AFAP1: variants seen among roughly 807,000 people sequenced by gnomAD.
AFAP1 encodes the protein actin filament-associated protein 1.
Under a neutral mutation model 93.9 loss-of-function variants are expected in AFAP1, and 75 were observed. The observed-to-expected ratio is 0.80, with a 90% CI of 0.66 to 0.97. AFAP1 has a LOEUF of 0.97. Ranked by LOEUF, AFAP1 falls within the 50% of genes least tolerant of loss-of-function variation. The probability of loss-of-function intolerance (pLI) is 0.00; values close to 1 mark genes in which losing one functional copy is unlikely to be tolerated. For synonymous variants in AFAP1, 517 were observed against 430.7 expected (o/e 1.20, Z -2.48); for missense variants, 1,201 against 1,050.8 (o/e 1.14, Z -1.98).
chr4:7,906,408 A>C (rs190641648), intron 1 of AFAP1, among the ~76,000 whole-genome samples: 22 of 152,362 alleles, frequency 1.4e-4, no homozygotes, highest in African/African-American at 5.0e-4. Context: ...TCTTATCATT[A>C]ATAACAGCAC....
intron 1 of AFAP1, among the ~76,000 whole-genome samples, chr4:7,897,250 A>G (rs1718836538): frequency 6.6e-6 from 1 of 152,186 alleles, no homozygotes; most frequent in South Asian, 2.1e-4. Flanking sequence ...TGAATTTTGA[A>G]AAACAGGACA....
At chr4:7,799,188 C>T in intron 10 of AFAP1, 1 of 664,350 alleles carries the variant, frequency 1.5e-6, no homozygotes, top group Non-Finnish European at 1.9e-6. Context: ...CCAGCTGTCC[C>T]AAGCCCATCT....
chr4:7,894,773 T>C (rs1718671591), intron 1 of AFAP1, among the ~76,000 whole-genome samples: 1 of 152,126 alleles, frequency 6.6e-6, no homozygotes, highest in African/African-American at 2.4e-5. Context: ...CCGTCATCTC[T>C]GGAAAGATGG....
Position 7,786,220 on chromosome 4 carries a change from C to T in AFAP1, c.1504G>A (p.Asp502Asn). Reference protein sequence around the residue: ...AHPSGTALHYDDVPCINGSWE... With the variant: ...AHPSGTALHYNDVPCINGSWE... ...GAGCCGTTGATGCACGGGACATCGT[C>T]ATAATGAAGTGCCGTCCCGCTGGGG... The change falls in exon 12 of 18, where the codon GAC becomes AAC. Residue 502 changes from aspartate to asparagine, a missense_variant. Transcript: ENST00000420658. 1 of 1,614,194 alleles carries T rather than the reference C, an allele frequency of 6.2e-7. No homozygotes were observed. The highest frequency in any genetic ancestry group is 8.5e-7 in the Non-Finnish European group (1 of 1,180,030).
chr4:7,767,542 A>G (rs1714778609), intron 17 of AFAP1, among the ~76,000 whole-genome samples: 1 of 152,136 alleles, frequency 6.6e-6, no homozygotes, highest in Non-Finnish European at 1.5e-5. Flanking sequence ...CACTTGGTAA[A>G]CACTAAGAAA....
intron 6 of AFAP1, among the ~76,000 whole-genome samples, chr4:7,821,830 C>T (rs1472718232): frequency 6.6e-6 from 1 of 152,154 alleles, no homozygotes; most frequent in Non-Finnish European, 1.5e-5. Flanking sequence ...GTGTTTCCAG[C>T]CATTTTGCTC....
At chr4:7,822,359 A>C (rs1196664469) in intron 6 of AFAP1, among the ~76,000 whole-genome samples, 2 of 152,176 alleles carry the variant, frequency 1.3e-5, no homozygotes, top group Non-Finnish European at 2.9e-5. Flanking sequence ...TATCCAGCCC[A>C]GTATTTCTCC....
intron 6 of AFAP1, among the ~76,000 whole-genome samples, chr4:7,833,644 A>G (rs1711904612): frequency 6.9e-6 from 1 of 144,824 alleles, no homozygotes; most frequent in Non-Finnish European, 1.5e-5. Context: ...GCTGGAGTGC[A>G]GTGGTGCAAT....
At chr4:7,897,685 G>A (rs750663933) in intron 1 of AFAP1, among the ~76,000 whole-genome samples, 11 of 152,004 alleles carry the variant, frequency 7.2e-5, no homozygotes, top group African/African-American at 2.4e-4. Flanking sequence ...TGCCACATCT[G>A]ACTAGTTTTT....
chr4:7,850,791 C>T (rs1402779829), intron 4 of AFAP1, among the ~76,000 whole-genome samples: 1 of 152,254 alleles, frequency 6.6e-6, no homozygotes, highest in Non-Finnish European at 1.5e-5. Context: ...CAAGGGCATC[C>T]GCATCTTGTG....
chr4:7,877,672 A>C (rs778423509), intron 1 of AFAP1, among the ~76,000 whole-genome samples: 3 of 152,246 alleles, frequency 2.0e-5, no homozygotes, highest in Non-Finnish European at 4.4e-5. Context: ...CCTGAGTCCA[A>C]AAGCCCTGCT....
intron 10 of AFAP1, among the ~76,000 whole-genome samples, chr4:7,794,371 C>T (rs978537144): frequency 2.6e-5 from 4 of 152,138 alleles, no homozygotes; most frequent in African/African-American, 9.7e-5. Context: ...ATTGTGTTTC[C>T]ACAGGGGAAA....
chr4:7,846,288 T>C (rs1397623538), intron 4 of AFAP1, among the ~76,000 whole-genome samples: 1 of 152,234 alleles, frequency 6.6e-6, no homozygotes, highest in Non-Finnish European at 1.5e-5. Flanking sequence ...TCATATTTTA[T>C]GCACTTTCTG....
chr4:7,809,886 G>T (rs1445193595), intron 8 of AFAP1, 123 bp from the exon 9 acceptor site: 2 of 1,115,840 alleles, frequency 1.8e-6, no homozygotes, highest in South Asian at 1.7e-5. Flanking sequence ...TAAAGACAGG[G>T]TCTCACTCTG....
At chr4:7,854,813 C>G (rs1306150033) in intron 4 of AFAP1, among the ~76,000 whole-genome samples, 1 of 152,188 alleles carries the variant, frequency 6.6e-6, no homozygotes, top group South Asian at 2.1e-4. Flanking sequence ...CTGACAGATA[C>G]TGAAAGGAGA....
chr4:7,801,914 C>CAAAAAAAAAAAAAAAAA (rs531684652), intron 9 of AFAP1, among the ~76,000 whole-genome samples: 42 of 65,200 alleles, frequency 6.4e-4, no homozygotes, highest in East Asian at 3.7e-3. Flanking sequence ...GACCCTATCA[C>CAAAAAAAAAAAAAAAAA]AAAAAAAAAA....
rs941317242 is a variant in AFAP1, at chr4:7,763,627, T to C, written c.*138A>G. ...ACAAGTGGGCCTGGGGGACAGGCAC[T>C]GGCCTCAGAGCTCAGTCGTGGAGCC... On this transcript the variant is annotated 3_prime_UTR_variant, in exon 18 of 18. Transcript: ENST00000420658. 2.1e-6 allele frequency: 2 copies of C among 952,166 alleles called. No homozygotes were observed. Among genetic ancestry groups the C allele is most frequent in the Non-Finnish European group, 3.1e-6 (2 of 637,590 alleles). 59.0% of individuals were successfully genotyped at this position (952,166 alleles called of 1,614,324 possible). A position where few individuals can be genotyped will look rare whatever the true frequency, so the allele number is the denominator to read the frequency against.
intron 1 of AFAP1, among the ~76,000 whole-genome samples, chr4:7,893,580 C>CAA (rs11331784): frequency 0.1 from 11,067 of 105,840 alleles, 1,066 homozygotes; most frequent in African/African-American, 0.23. Context: ...GACTCTGTCT[C>CAA]AAAAAAAAAA....
chr4:7,796,754 A>C (rs1718459776), intron 10 of AFAP1, among the ~76,000 whole-genome samples: 1 of 145,514 alleles, frequency 6.9e-6, no homozygotes, highest in South Asian at 2.2e-4. Context: ...TGTCTCAAAA[A>C]AAAAAAAACA....
Sources: gnomAD v4.1 joint callset for allele counts (sites outside exome capture counted in the v4.1 genomes callset) on GRCh38, gnomAD v4.1.1 for gene constraint, MANE v1.5 for transcripts, NCBI Gene and HGNC (gene_info 2026-07-23, HGNC 2026-07-21) for gene names.